MYO1B: variants seen among roughly 807,000 people sequenced by gnomAD.
MYO1B encodes unconventional myosin-Ib.
A neutral mutation model predicts 159.7 loss-of-function variants in MYO1B; 72 were observed. The observed-to-expected ratio is 0.45, with a 90% CI of 0.37 to 0.55. The LOEUF is 0.55. Ranked by LOEUF, MYO1B falls within the 20% of genes least tolerant of loss-of-function variation. MYO1B has a pLI of 0.00. For missense variants in MYO1B, 1,062 were observed against 1,364.8 expected (o/e 0.78, Z 3.50); for synonymous variants, 468 against 473.8 (o/e 0.99, Z 0.16).
At chr2:191,296,423 C>CT (rs1430151809) in intron 3 of MYO1B, among the ~76,000 whole-genome samples, 197 bp downstream of exon 3, 8 of 152,066 alleles carry the variant, frequency 5.3e-5, no homozygotes, top group African/African-American at 1.9e-4. Flanking sequence ...TGACGTCAGA[C>CT]TTTTCTGAAA....
chr2:191,260,253 G>GTTTTTTTTTTTTTTTTT (rs1256549425), intron 1 of MYO1B, among the ~76,000 whole-genome samples: 2 of 22,616 alleles, frequency 8.8e-5, no homozygotes, highest in African/African-American at 1.0e-4. Flanking sequence ...TCCCAGATAG[G>GTTTTTTTTTTTTTTTTT]CTTTTTTTTT....
At chr2:191,349,673 A>T (rs898063562) in intron 6 of MYO1B, among the ~76,000 whole-genome samples, 10 of 152,246 alleles carry the variant, frequency 6.6e-5, no homozygotes, top group African/African-American at 2.4e-4. Context: ...TGACCTGTTC[A>T]TAACACATAA....
At chr2:191,393,505 C>G (rs1352104890) in intron 20 of MYO1B, among the ~76,000 whole-genome samples, 4 of 152,162 alleles carry the variant, frequency 2.6e-5, no homozygotes, top group Non-Finnish European at 5.9e-5. Context: ...TTTCACTGAT[C>G]TAGCTGTATT....
chr2:191,339,978 C>T (rs762771642), intron 4 of MYO1B, among the ~76,000 whole-genome samples: 5 of 152,264 alleles, frequency 3.3e-5, no homozygotes, highest in South Asian at 4.2e-4. Flanking sequence ...CCTCATTATA[C>T]CTGTAGGCAG....
At chr2:191,410,947 A>G (rs1005311038) in intron 26 of MYO1B, 119 bp from the exon 27 acceptor site, 1 of 593,660 alleles carries the variant, frequency 1.7e-6, no homozygotes. Flanking sequence ...TTTTTTAGTG[A>G]ATGTTTTGTA....
intron 1 of MYO1B, among the ~76,000 whole-genome samples, chr2:191,262,460 G>C (rs967150613): frequency 1.1e-4 from 17 of 152,078 alleles, no homozygotes; most frequent in Non-Finnish European, 2.2e-4. Context: ...AATCATTTTG[G>C]TGGCTCCCTG....
intron 22 of MYO1B, 54 bp from the exon 23 acceptor site, chr2:191,400,695 A>C: frequency 6.3e-7 from 1 of 1,585,272 alleles, no homozygotes; most frequent in Non-Finnish European, 8.6e-7. Flanking sequence ...GAAAACCAGC[A>C]GTAACCTTTC....
At chr2:191,326,575 TC>T (rs1006332964) in intron 3 of MYO1B, among the ~76,000 whole-genome samples, 4 of 152,296 alleles carry the variant, frequency 2.6e-5, no homozygotes, top group African/African-American at 9.6e-5. Flanking sequence ...AAAGAATAAA[TC>T]CCTTTTAGCC....
intron 2 of MYO1B, among the ~76,000 whole-genome samples, chr2:191,280,765 A>G (rs991693533): frequency 1.3e-5 from 2 of 152,216 alleles, no homozygotes; most frequent in African/African-American, 4.8e-5. Flanking sequence ...GAAAAGGGGC[A>G]GTGGATGCCG....
chr2:191,383,467 TATATATACACACAC>T lies in MYO1B; in HGVS notation c.1353+127_1353+140del, dbSNP rs1400215865. 47 of 22,996 alleles carry T rather than the reference TATATATACACACAC, an allele frequency of 2.0e-3. No homozygotes were observed. The East Asian group carries it at 0.098, about 48-fold the overall frequency. The allele number at this position is 22,996 out of a possible 1,614,324, so 1.4% of individuals were successfully genotyped here. A position where few individuals can be genotyped will look rare whatever the true frequency, so the allele number is the denominator to read the frequency against. On this transcript the variant is annotated intron_variant, in intron 15 of 30. Coordinates refer to ENST00000392318, the MANE Select transcript of MYO1B (RefSeq NM_001130158.3). ...TGTTTTTTATATATATATATATATA[TATATATACACACAC>T]ACATATATATGTGTATATATATATA...
intron 1 of MYO1B, among the ~76,000 whole-genome samples, chr2:191,255,921 C>G (rs144720695): frequency 1.3e-5 from 2 of 152,154 alleles, no homozygotes; most frequent in Admixed American, 6.5e-5. Context: ...CAGGTCAGGT[C>G]GGAAGAAGAC....
intron 22 of MYO1B, 77 bp downstream of exon 22, chr2:191,400,545 C>A: frequency 6.6e-7 from 1 of 1,521,998 alleles, no homozygotes; most frequent in Non-Finnish European, 9.1e-7. Flanking sequence ...GCTTCAGGGG[C>A]AGAAAATGTT....
chr2:191,327,826 C>T (rs566346532), intron 3 of MYO1B, among the ~76,000 whole-genome samples: 11 of 152,286 alleles, frequency 7.2e-5, no homozygotes, highest in Middle Eastern at 3.4e-3. Context: ...CTTTTTATTA[C>T]TTTTTTTCTG....
At chr2:191,308,898 C>T (rs1441857149) in intron 3 of MYO1B, among the ~76,000 whole-genome samples, 2 of 152,204 alleles carry the variant, frequency 1.3e-5, no homozygotes, top group African/African-American at 2.4e-5. Context: ...CCACATTTTC[C>T]TGTCTTTCCC....
intron 3 of MYO1B, among the ~76,000 whole-genome samples, chr2:191,300,639 C>CTTTTTTTTTTTGTTTT (rs1689267617): frequency 1.5e-5 from 1 of 66,912 alleles, no homozygotes; most frequent in Non-Finnish European, 2.5e-5. Flanking sequence ...TGTGCGCAGC[C>CTTTTTTTTTTTGTTTT]TTTTTTTTTT....
intron 3 of MYO1B, among the ~76,000 whole-genome samples, chr2:191,315,304 C>T (rs549882015): frequency 2.1e-4 from 32 of 152,260 alleles, no homozygotes; most frequent in African/African-American, 7.2e-4. Flanking sequence ...GGTTCAGATA[C>T]ATGTGAAGAT....
At chr2:191,375,641 G>A (rs1234771392) in intron 13 of MYO1B, among the ~76,000 whole-genome samples, 1 of 152,034 alleles carries the variant, frequency 6.6e-6, no homozygotes, top group East Asian at 1.9e-4. Context: ...ATATTTCTCA[G>A]AAATCACAGA....
At position 191,292,871 on chromosome 2, in the gene MYO1B, T is replaced by C. The variant is rs143066058; in HGVS notation, c.136-3240T>C. On this transcript the variant is annotated intron_variant, in intron 2 of 30. Coordinates refer to ENST00000392318, the MANE Select transcript of MYO1B (RefSeq NM_001130158.3). The stretch of plus-strand genomic sequence containing the variant: ...ATTATTTGCTCACGATTCTCTGGGA[T>C]AGCAAGTTAGCCTGAGTTTAGCATT... 5.6e-3 allele frequency among the ~76,000 whole-genome samples: 857 copies of C among 152,150 alleles called. 5 individuals are homozygous for C. Among genetic ancestry groups the C allele is most frequent in the Middle Eastern group, 0.031 (9 of 294 alleles).
chr2:191,387,196 G>A (rs370215863), intron 16 of MYO1B, 28 bp from the exon 17 acceptor site: 2 of 1,593,248 alleles, frequency 1.3e-6, no homozygotes, highest in Non-Finnish European at 1.7e-6. Context: ...CAATGTGCCT[G>A]TCATTGAGTT....
Sources: gnomAD v4.1 joint callset for allele counts (sites outside exome capture counted in the v4.1 genomes callset) on GRCh38, gnomAD v4.1.1 for gene constraint, MANE v1.5 for transcripts, NCBI Gene and HGNC (gene_info 2026-07-23, HGNC 2026-07-21) for gene names.